The following PSMB7 variants were observed in gnomAD, a reference collection of about 807,000 sequenced individuals.
PSMB7 encodes proteasome 20S subunit beta 7.
PSMB7 carries 5 observed loss-of-function variants against 28.1 expected under a neutral mutation model. The observed-to-expected ratio is 0.18, with a 90% CI of 0.09 to 0.37. The LOEUF is 0.37. Among genes scored for constraint, PSMB7 ranks in the 10% least tolerant of loss-of-function variants. The probability of loss-of-function intolerance (pLI) is 1.00; values close to 1 mark genes in which losing one functional copy is unlikely to be tolerated. For missense variants in PSMB7, 275 were observed against 346.2 expected (o/e 0.79, Z 1.63); for synonymous variants, 122 against 123.7 (o/e 0.99, Z 0.09).
chr9:124,366,028 A>G (rs1369905052), intron 6 of PSMB7, among the ~76,000 whole-genome samples: 1 of 152,180 alleles, frequency 6.6e-6, no homozygotes, highest in African/African-American at 2.4e-5. Flanking sequence ...TGGCCCTGCA[A>G]AGGTCTACAC....
At chr9:124,355,768 C>A in intron 7 of PSMB7, among the ~76,000 whole-genome samples, 1 of 152,206 alleles carries the variant, frequency 6.6e-6, no homozygotes, top group East Asian at 1.9e-4. Flanking sequence ...CACTCCCCAA[C>A]CCCAGTGCCA....
At chr9:124,413,756 C>CT in intron 3 of PSMB7, 152 bp downstream of exon 3, 1 of 570,416 alleles carries the variant, frequency 1.8e-6, no homozygotes, top group Non-Finnish European at 3.1e-6. Flanking sequence ...CTTGAAGTTA[C>CT]TGGCTTAGGT....
intron 5 of PSMB7, among the ~76,000 whole-genome samples, chr9:124,402,222 G>A (rs1830917680): frequency 6.6e-6 from 1 of 152,096 alleles, no homozygotes; most frequent in African/African-American, 2.4e-5. Context: ...CCATCACCCG[G>A]AACTCAAATG....
chr9:124,375,407 G>A (rs1011365930), intron 6 of PSMB7, among the ~76,000 whole-genome samples: 20 of 152,034 alleles, frequency 1.3e-4, no homozygotes, highest in Admixed American at 5.9e-4. Context: ...CAACCGATCC[G>A]CCCGTCTTGG....
At chr9:124,415,327 T>A (rs1488475771) in intron 1 of PSMB7, 37 bp downstream of exon 1, 2 of 1,604,674 alleles carry the variant, frequency 1.2e-6, no homozygotes, top group African/African-American at 2.7e-5. Context: ...ACCGCACTCT[T>A]CTCCCTCCCT....
chr9:124,370,283 C>T (rs1434186741), intron 6 of PSMB7, among the ~76,000 whole-genome samples: 1 of 149,556 alleles, frequency 6.7e-6, no homozygotes, highest in South Asian at 2.1e-4. Context: ...ATATTTGTTC[C>T]GACCATAATC....
At chr9:124,415,159 A>G (rs1831073928) in intron 1 of PSMB7, 1 of 641,952 alleles carries the variant, frequency 1.6e-6, no homozygotes. Context: ...ACGGTGGCCG[A>G]GTGCGCTGGG....
intron 6 of PSMB7, among the ~76,000 whole-genome samples, chr9:124,362,813 T>C (rs933084289): frequency 8.5e-5 from 13 of 152,218 alleles, no homozygotes; most frequent in Non-Finnish European, 1.8e-4. Flanking sequence ...AAAACATCAT[T>C]TGCATATGGT....
At chr9:124,388,760 C>T (rs1444454524) in intron 5 of PSMB7, among the ~76,000 whole-genome samples, 1 of 152,166 alleles carries the variant, frequency 6.6e-6, no homozygotes. Flanking sequence ...CCTAAATGCC[C>T]GTGCCAGTTC....
chr9:124,414,602 T>A (rs1330242901), intron 2 of PSMB7, among the ~76,000 whole-genome samples: 1 of 135,826 alleles, frequency 7.4e-6, no homozygotes, highest in African/African-American at 3.0e-5. Context: ...AGAAGCTAAC[T>A]GACCTGTTTA....
chr9:124,391,910 T>A (rs1830792045), intron 5 of PSMB7, among the ~76,000 whole-genome samples: 1 of 152,252 alleles, frequency 6.6e-6, no homozygotes, highest in Non-Finnish European at 1.5e-5. Context: ...TTAGATATGC[T>A]AAAGAAACAG....
intron 6 of PSMB7, among the ~76,000 whole-genome samples, chr9:124,373,313 G>A (rs1830580187): frequency 6.6e-6 from 1 of 152,264 alleles, no homozygotes; most frequent in African/African-American, 2.4e-5. Context: ...GTATGTTAGG[G>A]TTCAGACATC....
intron 6 of PSMB7, among the ~76,000 whole-genome samples, chr9:124,358,197 C>T (rs753107823): frequency 2.2e-4 from 34 of 152,142 alleles, no homozygotes; most frequent in Non-Finnish European, 1.0e-4. Flanking sequence ...AGGGCAGATC[C>T]GCTAACCTCA....
At chr9:124,415,075 A>G (rs899604331) in intron 1 of PSMB7, 140 bp from the exon 2 acceptor site, 1 of 643,276 alleles carries the variant, frequency 1.6e-6, no homozygotes. Flanking sequence ...TCCCACCATC[A>G]GCACTGTTCT....
chr9:124,356,871 G>A lies in PSMB7; in HGVS notation c.615C>T (p.Gly205=). 6.2e-7 allele frequency: 1 copy of A among 1,614,222 alleles called. No individual in the cohort carries two copies. Among genetic ancestry groups the A allele is most frequent in the Non-Finnish European group, 8.5e-7 (1 of 1,180,050 alleles). Residue 205 remains glycine (G), a synonymous_variant, in exon 7 of 8, where the codon GGC becomes GGT. Coordinates refer to ENST00000259457, the MANE Select transcript of PSMB7 (RefSeq NM_002799.4). The surrounding 1 kb of genome is among the most constrained non-coding windows in gnomAD (Gnocchi z 4.4). ...TTCCGGAGCCCAGGTCGTTGAAGAT[G>A]CCAGCTGCGATGGCTTCGCTCACCA... ...KNLVSEAIAA[G]IFNDLGSGSN... is the part of the protein sequence containing the mutation.
chr9:124,389,351 T>C (rs1830760870), intron 5 of PSMB7, among the ~76,000 whole-genome samples: 1 of 152,174 alleles, frequency 6.6e-6, no homozygotes, highest in African/African-American at 2.4e-5. Context: ...CTTAGCAACC[T>C]TCCCCAAGCC....
intron 3 of PSMB7, 27 bp downstream of exon 3, chr9:124,413,879 AAG>A (rs1831057002): frequency 3.4e-6 from 5 of 1,454,578 alleles, no homozygotes; most frequent in Admixed American, 3.5e-5. Flanking sequence ...TTGAAAATAT[AAG>A]AGTTATTCAA....
chr9:124,401,929 GA>G (rs1830912526), intron 5 of PSMB7, among the ~76,000 whole-genome samples: 1 of 151,348 alleles, frequency 6.6e-6, no homozygotes, highest in East Asian at 1.9e-4. Flanking sequence ...TGAGGCAGGA[GA>G]ATCACTTGAA....
At chr9:124,361,422 T>G (rs1297474428) in intron 6 of PSMB7, among the ~76,000 whole-genome samples, 1 of 152,154 alleles carries the variant, frequency 6.6e-6, no homozygotes, top group Non-Finnish European at 1.5e-5. Flanking sequence ...CCCGAGTGCT[T>G]GAGGGGACAA....
Sources: gnomAD v4.1 joint callset for allele counts (sites outside exome capture counted in the v4.1 genomes callset) on GRCh38, gnomAD v4.1.1 for gene constraint, Gnocchi (gnomAD v3.1) non-coding constraint, MANE v1.5 for transcripts, NCBI Gene and HGNC (gene_info 2026-07-23, HGNC 2026-07-21) for gene names.